ENTHD1: variants seen among roughly 807,000 people sequenced by gnomAD.
ENTHD1 encodes the protein ENTH domain containing 1, also known as ENTH domain-containing protein 1.
A neutral mutation model predicts 39.1 loss-of-function variants in ENTHD1; 23 were observed. That is an observed-to-expected ratio of 0.59 (90% confidence interval 0.42 to 0.83). The LOEUF is 0.83. ENTHD1 is among the 40% of genes least tolerant of loss of function. ENTHD1 has a pLI of 0.00. For synonymous variants in ENTHD1, 230 were observed against 258.2 expected, an observed-to-expected ratio of 0.89 and a Z score of 1.05; for missense variants, 624 against 705.4, an observed-to-expected ratio of 0.88 and a Z score of 1.31.
At chr22:39,794,726 C>T (rs1391247849) in intron 5 of ENTHD1, among the ~76,000 whole-genome samples, 1 of 151,812 alleles carries the variant, frequency 6.6e-6, no homozygotes, top group Non-Finnish European at 1.5e-5. Flanking sequence ...ATGGCGTGAA[C>T]CTGGGAGGCA....
chr22:39,796,617 T>C (rs1426950285), intron 5 of ENTHD1, among the ~76,000 whole-genome samples: 1 of 152,232 alleles, frequency 6.6e-6, no homozygotes, highest in African/African-American at 2.4e-5. Flanking sequence ...TTAAACTTCC[T>C]TCCTAATATC....
chr22:39,758,301 T>C (rs1422771813), intron 6 of ENTHD1, among the ~76,000 whole-genome samples: 1 of 152,198 alleles, frequency 6.6e-6, no homozygotes, highest in Non-Finnish European at 1.5e-5. Flanking sequence ...TCTAATACAA[T>C]GTTGAATAAA....
chr22:39,844,790 C>T (rs1247948451), intron 3 of ENTHD1, among the ~76,000 whole-genome samples: 1 of 152,042 alleles, frequency 6.6e-6, no homozygotes, highest in African/African-American at 2.4e-5. Context: ...TTTCTTCCCA[C>T]TTATGACGGA....
At chr22:39,799,980 G>C (rs2065585633) in intron 5 of ENTHD1, among the ~76,000 whole-genome samples, 1 of 152,216 alleles carries the variant, frequency 6.6e-6, no homozygotes, top group African/African-American at 2.4e-5. Context: ...AAATGGCACT[G>C]TGCTACAGCT....
intron 3 of ENTHD1, among the ~76,000 whole-genome samples, chr22:39,841,743 G>A (rs1417958132): frequency 2.6e-5 from 4 of 151,518 alleles, no homozygotes; most frequent in Non-Finnish European, 5.9e-5. Context: ...TACATTTAAA[G>A]TTAATATTGT....
At chr22:39,841,731 T>C (rs1297752347) in intron 3 of ENTHD1, among the ~76,000 whole-genome samples, 2 of 151,378 alleles carry the variant, frequency 1.3e-5, no homozygotes, top group Non-Finnish European at 3.0e-5. Context: ...ATTTAGTCCA[T>C]TTACATTTAA....
intron 2 of ENTHD1, among the ~76,000 whole-genome samples, chr22:39,874,780 A>G (rs2066273105): frequency 6.6e-6 from 1 of 152,236 alleles, no homozygotes; most frequent in Non-Finnish European, 1.5e-5. Context: ...GCACTTAACA[A>G]CTTTTCAGGG....
chr22:39,846,511 T>G (rs530899526), intron 3 of ENTHD1, among the ~76,000 whole-genome samples: 2 of 152,354 alleles, frequency 1.3e-5, no homozygotes, highest in South Asian at 4.1e-4. Flanking sequence ...TTTGTCGATT[T>G]TGACTTTTGT....
At position 39,785,193 on chromosome 22, in the gene ENTHD1, G is replaced by A. The variant is rs113939120; in HGVS notation, c.833-19584C>T. 4.3e-3 allele frequency among the ~76,000 whole-genome samples: 654 copies of A among 152,234 alleles called. 11 individuals carry two copies. Among genetic ancestry groups the A allele is most frequent in the African/African-American group, 0.014 (602 of 41,540 alleles). ...GCTCAAAGAGATAGAAAATATGGAA[G>A]CTGAATTAAGAGAAATGCTGATGGA... On this transcript the variant is annotated intron_variant, in intron 5 of 6. Transcript: ENST00000325157.
intron 2 of ENTHD1, among the ~76,000 whole-genome samples, chr22:39,873,468 G>C (rs1239280049): frequency 6.6e-6 from 1 of 152,134 alleles, no homozygotes; most frequent in Non-Finnish European, 1.5e-5. Flanking sequence ...GACTCAACTA[G>C]GAGAGGCTGT....
chr22:39,751,519 T>C (rs1461623671), intron 6 of ENTHD1, among the ~76,000 whole-genome samples: 1 of 152,258 alleles, frequency 6.6e-6, no homozygotes, highest in African/African-American at 2.4e-5. Context: ...CAGATGTTTT[T>C]TTCTTGCATG....
intron 5 of ENTHD1, among the ~76,000 whole-genome samples, chr22:39,768,190 T>C (rs1400938929): frequency 6.6e-6 from 1 of 152,180 alleles, no homozygotes; most frequent in Non-Finnish European, 1.5e-5. Context: ...ATTATTCCTC[T>C]CCAATTCAAT....
In ENTHD1 at chr22:39,862,019, A is replaced by G. The variant is rs552129014; in HGVS notation, c.350-12T>C. 749 of 1,464,862 alleles carry G rather than the reference A, an allele frequency of 5.1e-4. 12 individuals carry two copies. In the South Asian group the frequency reaches 0.011, roughly 21 times the overall value. The allele number at this position is 1,464,862 out of a possible 1,614,324, so 90.7% of individuals were successfully genotyped here. On this transcript the variant is annotated splice_polypyrimidine_tract_variant and intron_variant, in intron 2 of 6. Transcript: ENST00000325157. The stretch of plus-strand genomic sequence containing the variant: ...CCGGATATAATAACCTGAAAAATAC[A>G]TTGACTCTGCTTAGAAAAGGAAATA...
chr22:39,855,844 G>A (rs927688437), intron 3 of ENTHD1, among the ~76,000 whole-genome samples: 8 of 152,152 alleles, frequency 5.3e-5, no homozygotes, highest in Non-Finnish European at 1.0e-4. Context: ...TATTTCAGAA[G>A]AGAGAAATAA....
Position 39,821,100 on chromosome 22 carries a change from A to T in ENTHD1, c.725T>A (p.Phe242Tyr). ...AGGCAGCTCTGGATCATCATCCAAA[A>T]ATGTCATCAGGTCCTGACAGAAAAC... ...GWKSTEDLMT[F>Y]LDDDPELPLL... The change falls in exon 5 of 7, where the codon TTT becomes TAT. Residue 242 changes from phenylalanine (F) to tyrosine (Y), a missense_variant. By Grantham distance (22) the Phe-to-Tyr change is conservative. Transcript: ENST00000325157. The T allele has an allele frequency of 1.2e-6, 2 of 1,614,100 alleles. No individual in the cohort carries two copies. The highest frequency in any genetic ancestry group is 1.7e-6 in the Non-Finnish European group (2 of 1,179,970).
chr22:39,800,505 T>A (rs2065590490), intron 5 of ENTHD1, among the ~76,000 whole-genome samples: 2 of 152,198 alleles, frequency 1.3e-5, no homozygotes, highest in Admixed American at 1.3e-4. Flanking sequence ...GGATCTTTGT[T>A]TTTCTCAGGA....
chr22:39,829,825 T>TAAAA (rs1555934264), intron 4 of ENTHD1, among the ~76,000 whole-genome samples: 9 of 151,340 alleles, frequency 5.9e-5, no homozygotes, highest in Admixed American at 2.6e-4. Flanking sequence ...AATAAATAAA[T>TAAAA]AAAATAATTT....
chr22:39,872,416 C>T (rs890608686), intron 2 of ENTHD1, among the ~76,000 whole-genome samples: 1 of 152,060 alleles, frequency 6.6e-6, no homozygotes, highest in African/African-American at 2.4e-5. Context: ...CTAGGGTTCC[C>T]GCTTTGTCTA....
rs1169827615 is a variant in ENTHD1, at chr22:39,777,235, A to G, written c.833-11626T>C. The stretch of plus-strand genomic sequence containing the variant: ...GTGACTTAAATTGCTTATTAAATGT[A>G]TTGGTTTAAAAGACAAGCAACCAAG... On this transcript the variant is annotated intron_variant, in intron 5 of 6. Transcript: ENST00000325157. Among the ~76,000 whole-genome samples, 3 of 152,246 alleles carry G rather than the reference A, an allele frequency of 2.0e-5. No individual in the cohort carries two copies. In the East Asian group the frequency reaches 5.8e-4, roughly 29 times the overall value.
Sources: allele counts gnomAD v4.1 joint callset (sites outside exome capture counted in the v4.1 genomes callset), GRCh38; gene constraint gnomAD v4.1.1; transcripts MANE v1.5; gene names NCBI Gene and HGNC (gene_info 2026-07-23, HGNC 2026-07-21).